The following PLXNA2 variants were observed in gnomAD, a reference collection of about 807,000 sequenced individuals.
The protein encoded by PLXNA2 is plexin-A2.
PLXNA2 carries 91 observed loss-of-function variants against 193.5 expected under a neutral mutation model. The observed-to-expected ratio is 0.47, with a 90% CI of 0.40 to 0.56. PLXNA2 has a LOEUF of 0.56. Ranked by LOEUF, PLXNA2 falls within the 20% of genes least tolerant of loss-of-function variation. The pLI is 0.00. For missense variants in PLXNA2, 1,995 were observed against 2,503.2 expected, an observed-to-expected ratio of 0.80 and a Z score of 4.33; for synonymous variants, 997 against 1,027.3, an observed-to-expected ratio of 0.97 and a Z score of 0.56.
chr1:208,195,652 G>C (rs7520774), intron 3 of PLXNA2, among the ~76,000 whole-genome samples: 61 of 106,536 alleles, frequency 5.7e-4, no homozygotes, highest in East Asian at 7.9e-4. Context: ...AATGTTTTTT[G>C]GGGGGGGGGG....
rs571662471 is a variant in PLXNA2 at position 208,082,870 on chromosome 1, G to T, written c.2299-362C>A. The stretch of plus-strand genomic sequence containing the variant: ...CTTTTAACCCACCCGTATTCTTCTA[G>T]CCCAGCTCAGCTCTACTTTCCCCAG... On this transcript the variant is annotated intron_variant, in intron 10 of 31. Coordinates refer to ENST00000367033, the MANE Select transcript of PLXNA2 (RefSeq NM_025179.4). This position sits in a 1 kb window ranked among gnomAD's most constrained non-coding sequence, Gnocchi z 4.2. Among the ~76,000 whole-genome samples, 8 of 152,188 alleles carry T rather than the reference G, an allele frequency of 5.3e-5. No homozygotes were observed. Among genetic ancestry groups the T allele is most frequent in the African/African-American group, 1.9e-4 (8 of 41,514 alleles).
chr1:208,067,210 G>A (rs1665827447), intron 12 of PLXNA2, among the ~76,000 whole-genome samples: 1 of 152,094 alleles, frequency 6.6e-6, no homozygotes, highest in African/African-American at 2.4e-5. Context: ...CAGGCTTGGT[G>A]TTGCATGCCT....
intron 6 of PLXNA2, among the ~76,000 whole-genome samples, chr1:208,097,795 G>A (rs1248822250): frequency 2.6e-5 from 4 of 151,916 alleles, no homozygotes; most frequent in Non-Finnish European, 1.5e-5. Flanking sequence ...GTGCCCATAG[G>A]GTTCATGGTG....
At chr1:208,079,623 C>T (rs546336769) in intron 11 of PLXNA2, among the ~76,000 whole-genome samples, 173 bp from the exon 12 acceptor site, 1 of 152,284 alleles carries the variant, frequency 6.6e-6, no homozygotes, top group East Asian at 1.9e-4. Flanking sequence ...AGCCTCTTAC[C>T]AGTCACTTAA....
chr1:208,057,224 C>G (rs1665459990), intron 13 of PLXNA2, among the ~76,000 whole-genome samples: 1 of 152,336 alleles, frequency 6.6e-6, no homozygotes, highest in Non-Finnish European at 1.5e-5. Flanking sequence ...GGTCTTATCT[C>G]CATTGTACAG....
chr1:208,147,395 T>C (rs929491856), intron 3 of PLXNA2, among the ~76,000 whole-genome samples: 2 of 151,882 alleles, frequency 1.3e-5, no homozygotes, highest in African/African-American at 4.8e-5. Flanking sequence ...TGGGTGACTA[T>C]AGGAGACTGT....
At chr1:208,081,127 C>G (rs897721160) in intron 11 of PLXNA2, among the ~76,000 whole-genome samples, 2 of 152,212 alleles carry the variant, frequency 1.3e-5, no homozygotes, top group Non-Finnish European at 2.9e-5. Flanking sequence ...GCTCCAGGTG[C>G]TAAGGCAACC....
intron 27 of PLXNA2, 46 bp from the exon 28 acceptor site, chr1:208,033,555 C>T (rs199616226): frequency 7.7e-4 from 1,151 of 1,489,672 alleles, no homozygotes; most frequent in Middle Eastern, 1.2e-3. Context: ...CAGTCACCAG[C>T]CTTGCTTGTA....
intron 4 of PLXNA2, among the ~76,000 whole-genome samples, chr1:208,129,120 G>C (rs1275102478): frequency 6.6e-6 from 1 of 152,200 alleles, no homozygotes; most frequent in African/African-American, 2.4e-5. Context: ...ATGAATGCCT[G>C]AAATGGGTGC....
At chr1:208,194,492 A>G (rs996150250) in intron 3 of PLXNA2, among the ~76,000 whole-genome samples, 1 of 152,038 alleles carries the variant, frequency 6.6e-6, no homozygotes. Context: ...AAAGAAAAAA[A>G]AAACATACAT....
Position 208,179,311 on chromosome 1 carries a change from C to T in PLXNA2, c.1371+30969G>A, listed in dbSNP as rs910544364. On this transcript the variant is annotated intron_variant, in intron 3 of 31. Coordinates refer to ENST00000367033, the MANE Select transcript of PLXNA2 (RefSeq NM_025179.4). ...GGTCAGACAGGCACTTTCCCGTCCT[C>T]GGTCAAGGGGTAAGGTTGCAGCTTT... Among the ~76,000 whole-genome samples, 11 of 152,290 alleles carry T rather than the reference C, an allele frequency of 7.2e-5. No individual in the cohort carries two copies. The East Asian group carries it at 7.7e-4, about 11-fold the overall frequency.
chr1:208,126,998 G>A (rs1178089480), intron 4 of PLXNA2, among the ~76,000 whole-genome samples: 1 of 152,216 alleles, frequency 6.6e-6, no homozygotes, highest in Non-Finnish European at 1.5e-5. Flanking sequence ...ATGAATAAAC[G>A]AAGGTTAAAT....
At chr1:208,119,145 CT>C (rs935866571) in intron 4 of PLXNA2, among the ~76,000 whole-genome samples, 48 of 151,536 alleles carry the variant, frequency 3.2e-4, no homozygotes, top group Middle Eastern at 3.4e-3. Flanking sequence ...CTGAATGCTT[CT>C]TTTTTTTTAG....
intron 12 of PLXNA2, among the ~76,000 whole-genome samples, chr1:208,067,344 C>A (rs867996975): frequency 0.01 from 1,173 of 115,562 alleles, no homozygotes; most frequent in East Asian, 0.012. Context: ...AACTCCGTCT[C>A]AAAAAAAAAA....
intron 2 of PLXNA2, 144 bp from the exon 3 acceptor site, chr1:208,210,606 G>T: frequency 1.5e-6 from 1 of 647,568 alleles, no homozygotes; most frequent in Non-Finnish European, 2.6e-6. Flanking sequence ...AATACAAGCT[G>T]CAGACAAAAA....
At chr1:208,052,567 G>A in intron 14 of PLXNA2, 104 bp from the exon 15 acceptor site, 1 of 1,125,734 alleles carries the variant, frequency 8.9e-7, no homozygotes, top group Non-Finnish European at 1.3e-6. Flanking sequence ...TCTGGGCGTG[G>A]TGGTACTTGT....
At chr1:208,191,316 C>T (rs1670174033) in intron 3 of PLXNA2, among the ~76,000 whole-genome samples, 1 of 152,134 alleles carries the variant, frequency 6.6e-6, no homozygotes, top group Non-Finnish European at 1.5e-5. Flanking sequence ...GGATTTCTTC[C>T]CCCTCCCCAC....
chr1:208,161,802 T>C (rs1173437389), intron 3 of PLXNA2, among the ~76,000 whole-genome samples: 1 of 152,254 alleles, frequency 6.6e-6, no homozygotes, highest in Non-Finnish European at 1.5e-5. Flanking sequence ...CCCTCCCTTT[T>C]TCTCCACAGT....
At chr1:208,186,774 C>A (rs569640216) in intron 3 of PLXNA2, among the ~76,000 whole-genome samples, 101 of 149,554 alleles carry the variant, frequency 6.8e-4, no homozygotes, top group African/African-American at 2.4e-3. Flanking sequence ...CTGCGGACTG[C>A]AGTGGCGCAA....
Sources: allele counts gnomAD v4.1 joint callset (sites outside exome capture counted in the v4.1 genomes callset), GRCh38; gene constraint gnomAD v4.1.1; non-coding constraint Gnocchi (gnomAD v3.1); transcripts MANE v1.5; gene names NCBI Gene and HGNC (gene_info 2026-07-23, HGNC 2026-07-21).